DIS3L2: variants seen among roughly 807,000 people sequenced by gnomAD.
DIS3L2 encodes the protein DIS3-like exonuclease 2.
In DIS3L2, 34 loss-of-function variants were observed where a neutral mutation model predicts 97.5. The ratio of observed to expected loss-of-function variants is 0.35; its 90% CI spans 0.27 to 0.46. DIS3L2 has a LOEUF of 0.46. Among genes scored for constraint, DIS3L2 ranks in the 20% least tolerant of loss-of-function variants. DIS3L2 has a pLI of 1.00. For missense variants in DIS3L2, 1,038 were observed against 1,146.0 expected (o/e 0.91, Z 1.36); for synonymous variants, 435 against 445.2 (o/e 0.98, Z 0.29).
At chr2:232,009,377 C>T (rs1694135747) in intron 1 of DIS3L2, among the ~76,000 whole-genome samples, 1 of 152,174 alleles carries the variant, frequency 6.6e-6, no homozygotes, top group Non-Finnish European at 1.5e-5. Flanking sequence ...TGTTTAGTGA[C>T]TTGGCTGGAC....
At position 232,161,149 on chromosome 2, in the gene DIS3L2, C is replaced by T. The variant is rs564778544; in HGVS notation, c.951-2310C>T. Among the ~76,000 whole-genome samples the T allele has an allele frequency of 4.3e-4, 65 of 152,242 alleles. 1 individual carries two copies. In the South Asian group the frequency reaches 0.013, roughly 30 times the overall value. ...ACCAGGATGGTCTCAATCTCTTGAC[C>T]TCATGATCCTCCTGCCTTGGCCTCC... On this transcript the variant is annotated intron_variant, in intron 8 of 20. Transcript: ENST00000325385.
intron 13 of DIS3L2, chr2:232,343,064 G>T: frequency 2.6e-6 from 1 of 385,182 alleles, no homozygotes; most frequent in Non-Finnish European, 4.8e-6. Flanking sequence ...GCATCACACT[G>T]CTCTGCTGTC....
chr2:232,072,722 T>C (rs1044705580), intron 5 of DIS3L2, among the ~76,000 whole-genome samples: 2 of 151,644 alleles, frequency 1.3e-5, no homozygotes, highest in Admixed American at 1.3e-4. Context: ...TGATGGAGAC[T>C]AAACCAGGAT....
chr2:232,316,375 A>G (rs550324861), intron 14 of DIS3L2, among the ~76,000 whole-genome samples: 4 of 151,884 alleles, frequency 2.6e-5, no homozygotes, highest in Non-Finnish European at 5.9e-5. Flanking sequence ...CTAGATGTCC[A>G]CACAATGCTG....
chr2:232,136,696 G>A lies in DIS3L2; in HGVS notation c.927G>A (p.Lys309=), dbSNP rs749133430. The part of the protein sequence containing the change: ...TLFICRIVDW[K]EDCNFALGQL... ...TCATCTGCCGCATTGTGGACTGGAAGGAGGACTGCAATTTTGCCCTGGGGT... is the reference window on the plus strand; with the variant it reads ...TCATCTGCCGCATTGTGGACTGGAAAGAGGACTGCAATTTTGCCCTGGGGT... Residue 309 remains lysine, a synonymous_variant, in exon 8 of 21, where the codon AAG becomes AAA. Transcript: ENST00000325385. 1 of 1,613,912 alleles carries A rather than the reference G, an allele frequency of 6.2e-7. No individual in the cohort carries two copies.
chr2:232,139,611 A>G (rs959733235), intron 8 of DIS3L2, among the ~76,000 whole-genome samples: 4 of 152,184 alleles, frequency 2.6e-5, no homozygotes, highest in Non-Finnish European at 1.5e-5. Flanking sequence ...AGTTCTACCT[A>G]CAGTACAAAA....
chr2:232,296,078 C>T (rs911534981), intron 13 of DIS3L2, among the ~76,000 whole-genome samples: 4 of 152,202 alleles, frequency 2.6e-5, no homozygotes, highest in Non-Finnish European at 4.4e-5. Flanking sequence ...CCACTAGATG[C>T]CTCCCAGGTA....
rs75014001 is a variant in DIS3L2 at position 232,069,482 on chromosome 2, C to T, written c.367-18005C>T. 9.8e-3 allele frequency among the ~76,000 whole-genome samples: 1,487 copies of T among 152,264 alleles called. 12 individuals carry two copies. Among genetic ancestry groups the T allele is most frequent in the Non-Finnish European group, 0.015 (1,054 of 68,016 alleles). ...TCCTACTTGAGCATTTCTAAGGAAG[C>T]TTCAACTTTATTCTTTACTAGTGTT... is the stretch of plus-strand genomic sequence containing the variant. On this transcript the variant is annotated intron_variant, in intron 5 of 20. Coordinates refer to ENST00000325385, the MANE Select transcript of DIS3L2 (RefSeq NM_152383.5).
intron 6 of DIS3L2, among the ~76,000 whole-genome samples, chr2:232,118,826 A>G (rs1295010457): frequency 2.0e-5 from 3 of 152,190 alleles, no homozygotes; most frequent in Non-Finnish European, 1.5e-5. Flanking sequence ...AAGAGAAGCA[A>G]TTTTCCATCA....
At chr2:232,306,917 C>T (rs149931766) in intron 14 of DIS3L2, among the ~76,000 whole-genome samples, 5 of 152,388 alleles carry the variant, frequency 3.3e-5, no homozygotes, top group African/African-American at 1.2e-4. Flanking sequence ...TCCCTGTTGT[C>T]ATGCCATTTT....
intron 5 of DIS3L2, among the ~76,000 whole-genome samples, chr2:232,084,543 A>G (rs1270209873): frequency 1.3e-5 from 2 of 152,156 alleles, no homozygotes; most frequent in African/African-American, 4.8e-5. Context: ...CTTCACTCAC[A>G]TGAGCTCTTG....
intron 14 of DIS3L2, 104 bp downstream of exon 14, chr2:232,300,223 G>A: frequency 9.4e-7 from 1 of 1,060,640 alleles, no homozygotes; most frequent in South Asian, 1.3e-5. Flanking sequence ...TGTCAGGAAG[G>A]GAATACACCT....
intron 13 of DIS3L2, among the ~76,000 whole-genome samples, chr2:232,279,965 T>C (rs879496114): frequency 2.6e-5 from 4 of 152,248 alleles, no homozygotes; most frequent in Non-Finnish European, 4.4e-5. Flanking sequence ...TTCCTGTCTT[T>C]TGAAAAGCAG....
chr2:231,999,358 T>C (rs1198848056), intron 1 of DIS3L2, among the ~76,000 whole-genome samples: 1 of 152,204 alleles, frequency 6.6e-6, no homozygotes, highest in Non-Finnish European at 1.5e-5. Context: ...GGAATGTCAT[T>C]GATTCTAGGC....
intron 9 of DIS3L2, among the ~76,000 whole-genome samples, chr2:232,188,734 T>C (rs964100294): frequency 6.6e-6 from 1 of 152,166 alleles, no homozygotes; most frequent in African/African-American, 2.4e-5. Flanking sequence ...TTGGATCTCA[T>C]CAGAATTAAA....
chr2:232,010,130 T>G (rs1050930287), intron 1 of DIS3L2, among the ~76,000 whole-genome samples: 8 of 152,316 alleles, frequency 5.3e-5, no homozygotes, highest in Non-Finnish European at 1.2e-4. Flanking sequence ...GGACCAGCAC[T>G]TCTCAAATTT....
chr2:232,286,468 ATTG>A (rs752276371), intron 13 of DIS3L2, among the ~76,000 whole-genome samples: 94 of 152,246 alleles, frequency 6.2e-4, no homozygotes, highest in Non-Finnish European at 7.8e-4. Flanking sequence ...ATTGGACCTT[ATTG>A]TTGTAGAAAT....
In DIS3L2 at chr2:232,083,496, CT is replaced by C. The variant is rs759630455; in HGVS notation, c.367-3975del. Among the ~76,000 whole-genome samples, 576 of 138,642 alleles carry C rather than the reference CT, an allele frequency of 4.2e-3. 1 individual carries two copies. The highest frequency in any genetic ancestry group is 8.4e-3 in the African/African-American group (315 of 37,560). 91.0% of individuals were successfully genotyped at this position (138,642 alleles called of 152,430 possible). On this transcript the variant is annotated intron_variant, in intron 5 of 20. Transcript: ENST00000325385. ...GCTCTTTGCATAATGTCTTCTTCTT[CT>C]TTTTTTTTTTTTTTTGAGACAGAGT... is the stretch of plus-strand genomic sequence containing the variant.
At chr2:232,139,973 T>G (rs1378456438) in intron 8 of DIS3L2, among the ~76,000 whole-genome samples, 1 of 152,162 alleles carries the variant, frequency 6.6e-6, no homozygotes, top group Non-Finnish European at 1.5e-5. Flanking sequence ...GGATGAACTT[T>G]CAGGGCTCTG....
Sources: gnomAD v4.1 joint callset for allele counts (sites outside exome capture counted in the v4.1 genomes callset) on GRCh38, gnomAD v4.1.1 for gene constraint, MANE v1.5 for transcripts, NCBI Gene and HGNC (gene_info 2026-07-23, HGNC 2026-07-21) for gene names.